The following EFCAB5 variants were observed in gnomAD, a reference collection of about 807,000 sequenced individuals.
EFCAB5 encodes the protein EF-hand calcium binding domain 5.
EFCAB5 carries 131 observed loss-of-function variants against 167.9 expected under a neutral mutation model. The ratio of observed to expected loss-of-function variants is 0.78; its 90% CI spans 0.68 to 0.90. The LOEUF (loss-of-function observed/expected upper bound fraction) is 0.90. EFCAB5 is among the 40% of genes least tolerant of loss of function. The probability of loss-of-function intolerance (pLI) is 0.00; values close to 1 mark genes in which losing one functional copy is unlikely to be tolerated. For missense variants in EFCAB5, 1,663 were observed against 1,745.2 expected, an observed-to-expected ratio of 0.95 and a Z score of 0.84; for synonymous variants, 574 against 602.8, an observed-to-expected ratio of 0.95 and a Z score of 0.70.
intron 7 of EFCAB5, among the ~76,000 whole-genome samples, chr17:30,012,730 C>T (rs554825068): frequency 1.4e-3 from 206 of 152,306 alleles, no homozygotes; most frequent in African/African-American, 4.6e-3. Flanking sequence ...TACACTCTCT[C>T]GTCTCTGCAC....
chr17:29,988,724 A>T (rs182046310), intron 4 of EFCAB5, among the ~76,000 whole-genome samples: 8 of 152,322 alleles, frequency 5.3e-5, no homozygotes, highest in Admixed American at 3.9e-4. Context: ...TTTTTCCAGG[A>T]TCATATCCAT....
intron 19 of EFCAB5, among the ~76,000 whole-genome samples, chr17:30,088,237 C>T (rs569842763): frequency 2.9e-4 from 44 of 152,244 alleles, no homozygotes; most frequent in African/African-American, 9.9e-4. Flanking sequence ...AACCTCCTGC[C>T]TCTGCTTCCC....
chr17:30,029,123 C>T (rs1465936920), intron 7 of EFCAB5, among the ~76,000 whole-genome samples: 1 of 151,970 alleles, frequency 6.6e-6, no homozygotes, highest in Non-Finnish European at 1.5e-5. Context: ...TTGTTCAATT[C>T]ATTTGTTAAG....
intron 14 of EFCAB5, chr17:30,069,643 A>C: frequency 6.3e-7 from 1 of 1,596,962 alleles, no homozygotes; most frequent in Non-Finnish European, 8.6e-7. Context: ...AGCCTGGGCC[A>C]CGGGGGCCCA....
At chr17:29,965,228 G>T (rs2067804575) in intron 3 of EFCAB5, among the ~76,000 whole-genome samples, 1 of 151,838 alleles carries the variant, frequency 6.6e-6, no homozygotes, top group African/African-American at 2.4e-5. Context: ...GATATGTTGT[G>T]TATTTATTTT....
At chr17:29,967,057 CT>C (rs1466797956) in intron 3 of EFCAB5, among the ~76,000 whole-genome samples, 3 of 151,976 alleles carry the variant, frequency 2.0e-5, no homozygotes, top group Non-Finnish European at 4.4e-5. Context: ...TTTTTAATAA[CT>C]TTTAATTTCT....
At chr17:30,101,788 G>A (rs2071386177) in intron 22 of EFCAB5, among the ~76,000 whole-genome samples, 1 of 152,218 alleles carries the variant, frequency 6.6e-6, no homozygotes, top group Non-Finnish European at 1.5e-5. Context: ...AGAGATAACA[G>A]CAGGTTTCAT....
rs774409226 is a variant in EFCAB5 at position 30,080,937 on chromosome 17, C to T, written c.3382C>T (p.His1128Tyr). ...GGCTGTTGATACCCTTAGAGATCCC[C>T]ACGAAATAAACATCTTTCTACCTCA... Reference protein sequence around the residue: ...VLAVDTLRDPHEINIFLPHEI... With the variant: ...VLAVDTLRDPYEINIFLPHEI... Residue 1128 changes from histidine (H) to tyrosine (Y), a missense_variant, in exon 17 of 23, where the codon CAC (histidine) becomes TAC (tyrosine). Transcript: ENST00000394835. 5.6e-6 allele frequency: 9 copies of T among 1,613,440 alleles called. No individual in the cohort carries two copies. The Admixed American group carries it at 1.5e-4, about 27-fold the overall frequency.
At chr17:29,931,679 C>G (rs192814414) in intron 1 of EFCAB5, among the ~76,000 whole-genome samples, 8 of 152,216 alleles carry the variant, frequency 5.3e-5, no homozygotes, top group Non-Finnish European at 1.0e-4. Context: ...GAACTTTGAA[C>G]CAATGCATGG....
At chr17:30,063,452 T>C (rs2070478745) in intron 14 of EFCAB5, among the ~76,000 whole-genome samples, 1 of 152,156 alleles carries the variant, frequency 6.6e-6, no homozygotes, top group Admixed American at 6.5e-5. Flanking sequence ...AAGTTTTCTC[T>C]CTGGAGTCAG....
At chr17:29,935,418 G>A (rs1192909759) in intron 1 of EFCAB5, among the ~76,000 whole-genome samples, 2 of 151,994 alleles carry the variant, frequency 1.3e-5, no homozygotes, top group African/African-American at 4.8e-5. Context: ...AATTAGCCAG[G>A]TGTGGTGGTA....
intron 7 of EFCAB5, among the ~76,000 whole-genome samples, chr17:30,020,856 C>T (rs566398317): frequency 1.3e-5 from 2 of 152,254 alleles, no homozygotes; most frequent in South Asian, 4.1e-4. Flanking sequence ...TTGGACCCCA[C>T]TGTGGTCACT....
chr17:30,062,455 C>T (rs1008475441), intron 14 of EFCAB5, among the ~76,000 whole-genome samples: 3 of 152,194 alleles, frequency 2.0e-5, no homozygotes, highest in Non-Finnish European at 4.4e-5. Context: ...CCTTGGACAC[C>T]TACACAGCTC....
intron 9 of EFCAB5, among the ~76,000 whole-genome samples, chr17:30,052,352 A>G (rs1472605852): frequency 6.6e-6 from 1 of 151,914 alleles, no homozygotes; most frequent in Admixed American, 6.6e-5. Context: ...TTTTTAGTAG[A>G]GACGGGGTTT....
chr17:30,088,546 G>A (rs752930455), intron 19 of EFCAB5, among the ~76,000 whole-genome samples: 19 of 152,166 alleles, frequency 1.2e-4, no homozygotes, highest in Admixed American at 1.0e-3. Flanking sequence ...ATTTAAAGAA[G>A]ACATGCAGAG....
chr17:29,974,336 C>G (rs1042144571), intron 4 of EFCAB5, among the ~76,000 whole-genome samples: 15 of 151,708 alleles, frequency 9.9e-5, no homozygotes, highest in African/African-American at 3.4e-4. Flanking sequence ...CCCAGGAGTT[C>G]GAGACCAGCC....
intron 22 of EFCAB5, among the ~76,000 whole-genome samples, chr17:30,104,286 C>T (rs1191237311): frequency 6.6e-6 from 1 of 152,110 alleles, no homozygotes; most frequent in East Asian, 1.9e-4. Flanking sequence ...ACTAATTATC[C>T]ATCATCCCCA....
chr17:29,966,838 A>G (rs919242253), intron 3 of EFCAB5, among the ~76,000 whole-genome samples: 1 of 151,510 alleles, frequency 6.6e-6, no homozygotes, highest in Non-Finnish European at 1.5e-5. Context: ...CTTATTTACT[A>G]TAGTTTTTTT....
chr17:29,969,049 A>T lies in EFCAB5; in HGVS notation c.449A>T (p.Lys150Ile). ...GAACTAGAAAAAAAGGCTGAAAAAA[A>T]ACTCCCTAGGGATAATTTGGCCAAA... ...KKELEKKAEK[K>I]LPRDNLAKEW... The change falls in exon 4 of 23, where the codon AAA becomes ATA. Residue 150 changes from lysine (K) to isoleucine (I), a missense_variant. Lys to Ile is a moderately radical substitution (Grantham distance 102). Coordinates refer to ENST00000394835, the MANE Select transcript of EFCAB5 (RefSeq NM_198529.4). 1.2e-6 allele frequency: 2 copies of T among 1,601,784 alleles called. No individual in the cohort carries two copies. Among genetic ancestry groups the T allele is most frequent in the Non-Finnish European group, 8.5e-7 (1 of 1,175,484 alleles).
Sources: allele counts gnomAD v4.1 joint callset (sites outside exome capture counted in the v4.1 genomes callset), GRCh38; gene constraint gnomAD v4.1.1; transcripts MANE v1.5; gene names NCBI Gene and HGNC (gene_info 2026-07-23, HGNC 2026-07-21).